Variants in PDZRN3 observed in about 807,000 individuals in gnomAD.
The protein encoded by PDZRN3 is PDZ domain containing ring finger 3, also known as E3 ubiquitin-protein ligase PDZRN3.
A neutral mutation model predicts 85.7 loss-of-function variants in PDZRN3; 38 were observed. That is an observed-to-expected ratio of 0.44 (90% CI 0.34 to 0.58). The LOEUF is 0.58. Among genes scored for constraint, PDZRN3 ranks in the 20% least tolerant of loss-of-function variants. The probability of loss-of-function intolerance (pLI) is 0.01; values close to 1 mark genes in which losing one functional copy is unlikely to be tolerated. For synonymous variants in PDZRN3, 759 were observed against 638.0 expected (o/e 1.19, Z -2.86); for missense variants, 1,629 against 1,506.4 (o/e 1.08, Z -1.35).
intron 8 of PDZRN3, 136 bp downstream of exon 8, chr3:73,387,832 A>G (rs1701429557): frequency 3.3e-6 from 2 of 605,392 alleles, no homozygotes; most frequent in South Asian, 2.4e-5. Flanking sequence ...TCTGAATCAC[A>G]GCAAGTTTGA....
At chr3:73,566,346 G>A (rs1426100898) in intron 3 of PDZRN3, among the ~76,000 whole-genome samples, 1 of 152,158 alleles carries the variant, frequency 6.6e-6, no homozygotes, top group African/African-American at 2.4e-5. Flanking sequence ...TACATGAACT[G>A]TGAGCACAAC....
At chr3:73,599,836 C>A (rs1702485338) in intron 3 of PDZRN3, among the ~76,000 whole-genome samples, 1 of 152,230 alleles carries the variant, frequency 6.6e-6, no homozygotes. Context: ...TGAGTCTACA[C>A]AGATGTGAGA....
chr3:73,585,792 T>G (rs1702269057), intron 3 of PDZRN3, among the ~76,000 whole-genome samples: 1 of 152,178 alleles, frequency 6.6e-6, no homozygotes, highest in African/African-American at 2.4e-5. Context: ...CAAAACGGGT[T>G]TTGACAGGCA....
chr3:73,507,047 A>G (rs2106698306), intron 3 of PDZRN3, among the ~76,000 whole-genome samples: 1 of 152,386 alleles, frequency 6.6e-6, no homozygotes, highest in East Asian at 1.9e-4. Context: ...CCTGAGGCTG[A>G]AAAACTACCT....
chr3:73,462,902 T>G (rs1703138031), intron 3 of PDZRN3, among the ~76,000 whole-genome samples: 1 of 152,238 alleles, frequency 6.6e-6, no homozygotes, highest in African/African-American at 2.4e-5. Flanking sequence ...CTAAGTATTA[T>G]GCCCAGAATC....
At chr3:73,409,505 T>A (rs1025448544) in intron 3 of PDZRN3, among the ~76,000 whole-genome samples, 2 of 152,152 alleles carry the variant, frequency 1.3e-5, no homozygotes, top group African/African-American at 4.8e-5. Context: ...AGTTCCCTTC[T>A]TGGCTGACGG....
chr3:73,482,071 C>G (rs1703573150), intron 3 of PDZRN3, among the ~76,000 whole-genome samples: 1 of 152,150 alleles, frequency 6.6e-6, no homozygotes, highest in Admixed American at 6.5e-5. Context: ...GGAGTGATAA[C>G]ACTGAGAGCA....
chr3:73,575,196 A>C (rs887120873), intron 3 of PDZRN3, among the ~76,000 whole-genome samples: 4 of 152,210 alleles, frequency 2.6e-5, no homozygotes, highest in African/African-American at 9.6e-5. Flanking sequence ...ATAATTACAC[A>C]GGTACTTCTT....
chr3:73,437,089 T>TATG (rs71628111), intron 3 of PDZRN3, among the ~76,000 whole-genome samples: 10,680 of 151,434 alleles, frequency 0.071, 407 homozygotes, highest in Middle Eastern at 0.17. Context: ...CAAGGACTGT[T>TATG]GTTTATATGG....
chr3:73,386,936 A>ATAAG (rs1300437757), intron 8 of PDZRN3, among the ~76,000 whole-genome samples: 1 of 152,204 alleles, frequency 6.6e-6, no homozygotes, highest in East Asian at 1.9e-4. Context: ...TGTAGCTCCC[A>ATAAG]TAAGTCCTAC....
chr3:73,391,220 C>T (rs1701520910), intron 5 of PDZRN3, 104 bp from the exon 6 acceptor site: 2 of 773,692 alleles, frequency 2.6e-6, no homozygotes, highest in African/African-American at 1.7e-5. Flanking sequence ...AACTGGATTT[C>T]TTTGCATTCA....
intron 3 of PDZRN3, among the ~76,000 whole-genome samples, chr3:73,582,259 TTTTTA>T (rs1702213844): frequency 6.6e-6 from 1 of 152,194 alleles, no homozygotes; most frequent in Non-Finnish European, 1.5e-5. Flanking sequence ...GATTTGTCTT[TTTTTA>T]TTTTAAAATG....
At chr3:73,407,347 G>C (rs998445199) in intron 3 of PDZRN3, among the ~76,000 whole-genome samples, 4 of 152,162 alleles carry the variant, frequency 2.6e-5, no homozygotes, top group East Asian at 3.9e-4. Flanking sequence ...TGGCAGAGTA[G>C]AAAAATGAGA....
At chr3:73,443,803 T>G (rs1397919680) in intron 3 of PDZRN3, among the ~76,000 whole-genome samples, 1 of 152,216 alleles carries the variant, frequency 6.6e-6, no homozygotes, top group Non-Finnish European at 1.5e-5. Context: ...CCAGCTTTTT[T>G]TTTTAAAGCT....
At chr3:73,443,628 G>A (rs796990543) in intron 3 of PDZRN3, among the ~76,000 whole-genome samples, 10 of 151,946 alleles carry the variant, frequency 6.6e-5, no homozygotes, top group African/African-American at 2.2e-4. Context: ...TGGGACTACA[G>A]ATGGGCACCA....
chr3:73,527,015 A>T (rs1036511905), intron 3 of PDZRN3, among the ~76,000 whole-genome samples: 4 of 151,920 alleles, frequency 2.6e-5, no homozygotes, highest in East Asian at 3.9e-4. Flanking sequence ...CCCCCAGCTA[A>T]TTTTTTTTAT....
At chr3:73,440,766 A>G (rs1410809639) in intron 3 of PDZRN3, among the ~76,000 whole-genome samples, 1 of 152,194 alleles carries the variant, frequency 6.6e-6, no homozygotes, top group Non-Finnish European at 1.5e-5. Flanking sequence ...TGGGACAGGG[A>G]AGTGTAGAGA....
chr3:73,412,388 C>A (rs895540380), intron 3 of PDZRN3, among the ~76,000 whole-genome samples: 2 of 152,198 alleles, frequency 1.3e-5, no homozygotes, highest in South Asian at 2.1e-4. Flanking sequence ...CTCTAGTCAT[C>A]AGAGGAAAGG....
intron 3 of PDZRN3, among the ~76,000 whole-genome samples, chr3:73,412,408 G>A (rs375411399): frequency 1.3e-5 from 2 of 152,224 alleles, no homozygotes; most frequent in African/African-American, 4.8e-5. Context: ...GACAGGAAGA[G>A]TCCTCCATCA....
Sources: gnomAD v4.1 joint callset for allele counts (sites outside exome capture counted in the v4.1 genomes callset) on GRCh38, gnomAD v4.1.1 for gene constraint, MANE v1.5 for transcripts, NCBI Gene and HGNC (gene_info 2026-07-23, HGNC 2026-07-21) for gene names.